The following SLC20A1 variants were observed in gnomAD, a reference collection of about 807,000 sequenced individuals.
The protein encoded by SLC20A1 is solute carrier family 20 member 1, also known as sodium-dependent phosphate transporter 1.
A neutral mutation model predicts 62.7 loss-of-function variants in SLC20A1; 28 were observed. That is an observed-to-expected ratio of 0.45 (90% CI 0.33 to 0.61). SLC20A1 has a LOEUF of 0.61. Among genes scored for constraint, SLC20A1 ranks in the 20% least tolerant of loss-of-function variants. The pLI is 0.02. For missense variants in SLC20A1, 673 were observed against 838.6 expected, an observed-to-expected ratio of 0.80 and a Z score of 2.44; for synonymous variants, 305 against 302.9, an observed-to-expected ratio of 1.01 and a Z score of -0.07.
intron 3 of SLC20A1, 45 bp from the exon 4 acceptor site, chr2:112,647,608 T>C (rs1374007763): frequency 6.3e-7 from 1 of 1,597,416 alleles, no homozygotes; most frequent in African/African-American, 1.3e-5. Context: ...TTTTGGTTTC[T>C]GATTTTCATT....
At position 112,663,016 on chromosome 2, in the gene SLC20A1, C is replaced by G; in HGVS notation, c.2031C>G (p.Leu677=). Residue 677 remains leucine, a synonymous_variant, in exon 11 of 11, where the codon CTC becomes CTG. Coordinates refer to ENST00000272542, the MANE Select transcript of SLC20A1 (RefSeq NM_005415.5). The stretch of plus-strand genomic sequence containing the variant: ...TGGCAATCTTCAGATATGTCATCCT[C>G]AGAATGTGAAGCTGTTTGAGATTAA... ...AIMAIFRYVI[L]RM is the part of the protein sequence containing the mutation. 1.9e-6 allele frequency: 3 copies of G among 1,614,116 alleles called. No individual in the cohort carries two copies. Among genetic ancestry groups the G allele is most frequent in the Non-Finnish European group, 2.5e-6 (3 of 1,179,968 alleles).
At chr2:112,661,503 AT>A (rs57951916) in intron 10 of SLC20A1, among the ~76,000 whole-genome samples, 10 of 150,348 alleles carry the variant, frequency 6.7e-5, no homozygotes, top group Admixed American at 1.3e-4. Context: ...CTTTATAATA[AT>A]TTTTTTTTTA....
intron 6 of SLC20A1, among the ~76,000 whole-genome samples, chr2:112,657,842 G>T (rs1184928052): frequency 6.6e-6 from 1 of 152,206 alleles, no homozygotes; most frequent in Non-Finnish European, 1.5e-5. Flanking sequence ...CAAGTGTCAA[G>T]GAATCATTTA....
Position 112,648,717 on chromosome 2 carries a change from T to A in SLC20A1, c.561+979T>A, listed in dbSNP as rs559254850. Among the ~76,000 whole-genome samples, 267 of 152,368 alleles carry A rather than the reference T, an allele frequency of 1.8e-3. 1 individual carries two copies. The highest frequency in any genetic ancestry group is 6.1e-3 in the African/African-American group (252 of 41,588). On this transcript the variant is annotated intron_variant, in intron 4 of 10. Coordinates refer to ENST00000272542, the MANE Select transcript of SLC20A1 (RefSeq NM_005415.5). Reference sequence around the variant, plus strand: ...GGCAGAATATAGCAGTTTAACACTTTGAAAACTTGAAATATCTTTAGCCTG... The same window carrying A: ...GGCAGAATATAGCAGTTTAACACTTAGAAAACTTGAAATATCTTTAGCCTG...
Position 112,647,102 on chromosome 2 carries a change from G to A in SLC20A1, c.274G>A (p.Val92Met), listed in dbSNP as rs1468506744. The A allele has an allele frequency of 1.2e-6, 2 of 1,614,170 alleles. No individual in the cohort carries two copies. Among genetic ancestry groups the A allele is most frequent in the African/African-American group, 1.3e-5 (1 of 75,030 alleles). ...AACCATCCGGAAGGGCTTGATTGAC[G>A]TGGAGATGTACAACTCGACTCAAGG... The part of the protein sequence containing the change: ...SETIRKGLID[V>M]EMYNSTQGLL... Residue 92 changes from valine (V) to methionine (M), a missense_variant, in exon 2 of 11, where the codon GTG becomes ATG. Physicochemically the swap from Val to Met is conservative, Grantham distance 21 (BLOSUM62 1). Coordinates refer to ENST00000272542, the MANE Select transcript of SLC20A1 (RefSeq NM_005415.5).
In SLC20A1 at chr2:112,657,178, GCAGTT is replaced by G. The variant is rs774604400; in HGVS notation, c.716_720del (p.Ala239ValfsTer19). 1 of 1,613,894 alleles carries G rather than the reference GCAGTT, an allele frequency of 6.2e-7. No homozygotes were observed. Among genetic ancestry groups the G allele is most frequent in the South Asian group, 1.1e-5 (1 of 91,040 alleles). ...TACCATCCTCATCTCGGTGGGATGTGCAGTTTTCTGTGCCCTTATCGTCTGGTTCT... is the reference window on the plus strand; with the variant it reads ...TACCATCCTCATCTCGGTGGGATGTGTTCTGTGCCCTTATCGTCTGGTTCT... On this transcript the variant is annotated frameshift_variant, in exon 6 of 11. Transcript: ENST00000272542. LOFTEE classifies it high-confidence loss of function.
intron 2 of SLC20A1, 26 bp downstream of exon 2, chr2:112,647,188 C>A: frequency 6.2e-7 from 1 of 1,600,032 alleles, no homozygotes; most frequent in Non-Finnish European, 8.5e-7. Context: ...GTTTTGTCCT[C>A]TTCGTGGTGG....
chr2:112,660,869 A>G, intron 9 of SLC20A1: 1 of 489,680 alleles, frequency 2.0e-6, no homozygotes, highest in South Asian at 3.7e-5. Context: ...GCTAAGACTC[A>G]ATGTTTACCA....
intron 5 of SLC20A1, among the ~76,000 whole-genome samples, chr2:112,656,467 C>G (rs1022436261): frequency 6.6e-6 from 1 of 152,154 alleles, no homozygotes; most frequent in African/African-American, 2.4e-5. Flanking sequence ...TCCCAAAGTG[C>G]TGGGATTACA....
chr2:112,646,779 C>T lies in SLC20A1; in HGVS notation c.-50C>T, dbSNP rs370595100. The T allele has an allele frequency of 6.8e-6, 9 of 1,325,250 alleles. No individual in the cohort carries two copies. The highest frequency in any genetic ancestry group is 2.3e-5 in the East Asian group (1 of 43,162). 82.1% of individuals were successfully genotyped at this position (1,325,250 alleles called of 1,614,324 possible). A position where few individuals can be genotyped will look rare whatever the true frequency, so the allele number is the denominator to read the frequency against. On this transcript the variant is annotated 5_prime_UTR_variant, in exon 2 of 11. Coordinates refer to ENST00000272542, the MANE Select transcript of SLC20A1 (RefSeq NM_005415.5). ...GATACCTCATATTCTGTTTACACAT[C>T]TTGAAAGGCGCTCAGTAGTTCTCTT...
chr2:112,654,847 G>C (rs1160829345), intron 5 of SLC20A1, among the ~76,000 whole-genome samples: 1 of 138,538 alleles, frequency 7.2e-6, no homozygotes, highest in Non-Finnish European at 1.5e-5. Flanking sequence ...AGTGAGCCAA[G>C]ATCGTGCCAC....
chr2:112,659,213 A>G lies in SLC20A1; in HGVS notation c.1058A>G (p.Gln353Arg). 1.9e-6 allele frequency: 3 copies of G among 1,613,138 alleles called. No homozygotes were observed. The highest frequency in any genetic ancestry group is 2.5e-6 in the Non-Finnish European group (3 of 1,179,190). The part of the protein sequence containing the change: ...SIDSTVNGAV[Q>R]LPNGNLVQFS... ...TGGTGATCTTGACTAGGTGCAGTGC[A>G]GTTGCCTAATGGGAACCTTGTCCAG... Residue 353 changes from glutamine to arginine, a missense_variant, in exon 8 of 11, where the codon CAG (glutamine) becomes CGG (arginine). Coordinates refer to ENST00000272542, the MANE Select transcript of SLC20A1 (RefSeq NM_005415.5).
chr2:112,655,131 G>C (rs1010729101), intron 5 of SLC20A1, among the ~76,000 whole-genome samples: 1 of 151,844 alleles, frequency 6.6e-6, no homozygotes, highest in Non-Finnish European at 1.5e-5. Flanking sequence ...ACCACGCCCA[G>C]CTAATTTTTG....
At chr2:112,662,481 G>A (rs911060836) in intron 10 of SLC20A1, among the ~76,000 whole-genome samples, 3 of 152,186 alleles carry the variant, frequency 2.0e-5, no homozygotes, top group African/African-American at 7.2e-5. Flanking sequence ...TTGGGAGGCT[G>A]AGGCAGGAGA....
intron 4 of SLC20A1, among the ~76,000 whole-genome samples, chr2:112,648,617 AT>A (rs1366141037): frequency 6.6e-6 from 1 of 152,240 alleles, no homozygotes; most frequent in African/African-American, 2.4e-5. Context: ...CTAGGGAAAG[AT>A]TTGTCTCTTC....
At chr2:112,654,895 CAAAAAAAAA>C (rs199529152) in intron 5 of SLC20A1, among the ~76,000 whole-genome samples, 2 of 112,306 alleles carry the variant, frequency 1.8e-5, no homozygotes, top group Admixed American at 2.2e-4. Context: ...GATGCTGTCT[CAAAAAAAAA>C]AAAAAAAAGT....
intron 10 of SLC20A1, among the ~76,000 whole-genome samples, chr2:112,661,473 A>G (rs1686746600): frequency 6.6e-6 from 1 of 151,592 alleles, no homozygotes; most frequent in African/African-American, 2.4e-5. Context: ...TTGTTACTTT[A>G]TCCTCCCTCA....
intron 5 of SLC20A1, chr2:112,653,259 T>C (rs1393809057): frequency 1.4e-5 from 3 of 213,770 alleles, no homozygotes; most frequent in Non-Finnish European, 2.9e-5. Flanking sequence ...ATGAGAAGAG[T>C]TGGGATGTTT....
At chr2:112,650,478 G>A (rs775559953) in intron 4 of SLC20A1, among the ~76,000 whole-genome samples, 7 of 151,714 alleles carry the variant, frequency 4.6e-5, no homozygotes, top group South Asian at 2.1e-4. Flanking sequence ...GATTACAGGC[G>A]CCACCACACC....
Sources: allele counts gnomAD v4.1 joint callset (sites outside exome capture counted in the v4.1 genomes callset), GRCh38; gene constraint gnomAD v4.1.1; transcripts MANE v1.5; gene names NCBI Gene and HGNC (gene_info 2026-07-23, HGNC 2026-07-21).